FBXO4: variants seen among roughly 807,000 people sequenced by gnomAD.
FBXO4 encodes F-box only protein 4.
A neutral mutation model predicts 43.7 loss-of-function variants in FBXO4; 36 were observed. The ratio of observed to expected loss-of-function variants is 0.82; its 90% CI spans 0.63 to 1.09. The LOEUF (loss-of-function observed/expected upper bound fraction) is 1.09, where lower values mean the gene tolerates loss of function less well. Among genes scored for constraint, FBXO4 ranks in the 50% least tolerant of loss-of-function variants. The probability of loss-of-function intolerance (pLI) is 0.00; values close to 1 mark genes in which losing one functional copy is unlikely to be tolerated. For missense variants in FBXO4, 435 were observed against 474.1 expected, an observed-to-expected ratio of 0.92 and a Z score of 0.77; for synonymous variants, 180 against 165.6, an observed-to-expected ratio of 1.09 and a Z score of -0.67.
At chr5:42,039,028 A>G in the FBXO4 span, among the ~76,000 whole-genome samples, 12 of 152,238 alleles carry the variant, frequency 7.9e-5, no homozygotes, top group Admixed American at 2.0e-4. Flanking sequence ...ATGATTATCC[A>G]TAGTTACATA....
rs779999292 is a variant in FBXO4 at position 41,930,951 on chromosome 5, C to A, written c.646+1034C>A. ...GATTACAGGCGTGAGCCACCGCGCC[C>A]GGCGGAGAACTACATTTCTAAAAGC... On this transcript the variant is annotated intron_variant, in intron 3 of 6. Transcript: ENST00000281623. Among the ~76,000 whole-genome samples the A allele has an allele frequency of 2.0e-5, 3 of 152,272 alleles. No homozygotes were observed. The South Asian group carries it at 6.2e-4, about 32-fold the overall frequency.
At chr5:41,944,413 A>C (rs7720120), downstream of FBXO4, among the ~76,000 whole-genome samples, 785 of 152,298 alleles carry the variant, frequency 5.2e-3, 8 homozygotes, top group African/African-American at 0.018. Flanking sequence ...TAAGGCCTAA[A>C]ATTTCTAGCC....
the FBXO4 span, among the ~76,000 whole-genome samples, chr5:42,019,970 T>C: frequency 1.8e-4 from 27 of 152,142 alleles, no homozygotes; most frequent in Admixed American, 4.6e-4. Context: ...TTCAAAATTA[T>C]TGCTGATTTT....
At chr5:42,011,065 C>T in the FBXO4 span, among the ~76,000 whole-genome samples, 1 of 152,040 alleles carries the variant, frequency 6.6e-6, no homozygotes, top group Admixed American at 6.6e-5. Context: ...TGTGATGTTC[C>T]CTTTCCTGTG....
At chr5:42,006,679 C>T in the FBXO4 span, among the ~76,000 whole-genome samples, 3 of 151,510 alleles carry the variant, frequency 2.0e-5, no homozygotes, top group African/African-American at 4.8e-5. Context: ...TTGTTTGACA[C>T]TGGTTGTGGA....
the FBXO4 span, among the ~76,000 whole-genome samples, chr5:42,030,374 T>C: frequency 6.6e-6 from 1 of 152,046 alleles, no homozygotes; most frequent in Non-Finnish European, 1.5e-5. Flanking sequence ...CCCTATTTAA[T>C]AAATGGTGCT....
chr5:41,964,042 G>C, the FBXO4 span: 2 of 152,158 alleles, frequency 1.3e-5, no homozygotes, highest in African/African-American at 4.8e-5. Flanking sequence ...AATTGATTTT[G>C]AGTGATGGCA....
chr5:41,949,035 G>A, the FBXO4 span, among the ~76,000 whole-genome samples: 9 of 152,100 alleles, frequency 5.9e-5, no homozygotes, highest in Non-Finnish European at 1.2e-4. Context: ...AAAACCTCTC[G>A]ATAAACTAGG....
At chr5:41,963,402 G>T in the FBXO4 span, among the ~76,000 whole-genome samples, 1 of 151,966 alleles carries the variant, frequency 6.6e-6, no homozygotes, top group African/African-American at 2.4e-5. Flanking sequence ...GTAAATAATG[G>T]TGGTGATTAA....
the FBXO4 span, among the ~76,000 whole-genome samples, chr5:42,012,927 A>G: frequency 7.7e-4 from 118 of 152,334 alleles, 2 homozygotes; most frequent in Middle Eastern, 0.01. Context: ...CAGCAATCCT[A>G]TAAAGAATTG....
the FBXO4 span, among the ~76,000 whole-genome samples, chr5:42,024,130 C>T: frequency 0.016 from 2,434 of 152,106 alleles, 120 homozygotes; most frequent in East Asian, 0.1. Context: ...CCTTCACAGC[C>T]TTCTGAGCTC....
At chr5:42,027,835 A>G in the FBXO4 span, among the ~76,000 whole-genome samples, 1 of 151,964 alleles carries the variant, frequency 6.6e-6, no homozygotes, top group South Asian at 2.1e-4. Flanking sequence ...GTGTTTGTAT[A>G]GTTTCCAAAG....
chr5:41,928,183 C>A (rs548160498), intron 2 of FBXO4, among the ~76,000 whole-genome samples: 1 of 152,204 alleles, frequency 6.6e-6, no homozygotes, highest in East Asian at 1.9e-4. Context: ...ATCTCACTTG[C>A]TAGGCAATAC....
At chr5:41,958,475 A>G in the FBXO4 span, among the ~76,000 whole-genome samples, 7 of 152,182 alleles carry the variant, frequency 4.6e-5, no homozygotes, top group Admixed American at 2.0e-4. Flanking sequence ...ATTGTAGTAA[A>G]CATGAGTACA....
At chr5:41,967,277 G>A in the FBXO4 span, 1,192 of 461,788 alleles carry the variant, frequency 2.6e-3, 20 homozygotes, top group Middle Eastern at 0.018. Flanking sequence ...AAACTGGAGT[G>A]ATATAACTGG....
intron 5 of FBXO4, chr5:41,934,821 A>G: frequency 2.0e-6 from 2 of 989,062 alleles, no homozygotes; most frequent in Non-Finnish European, 2.4e-6. Context: ...TATATTCTGA[A>G]TAATTGCCAT....
intron 3 of FBXO4, 101 bp downstream of exon 3, chr5:41,930,018 A>T (rs1561168368): frequency 1.0e-6 from 1 of 995,018 alleles, no homozygotes; most frequent in Non-Finnish European, 1.5e-6. Flanking sequence ...TGCTATAATG[A>T]AGTACAGTAC....
At chr5:41,996,840 T>C in the FBXO4 span, among the ~76,000 whole-genome samples, 1 of 152,196 alleles carries the variant, frequency 6.6e-6, no homozygotes, top group Non-Finnish European at 1.5e-5. Context: ...AGAAGGCCCC[T>C]GAATTTTAGT....
the FBXO4 span, chr5:41,952,257 G>A: frequency 6.6e-6 from 1 of 152,312 alleles, no homozygotes; most frequent in Non-Finnish European, 1.5e-5. Context: ...TCTCTCCACA[G>A]TGCAAAGCTG....
Sources: allele counts gnomAD v4.1 joint callset (sites outside exome capture counted in the v4.1 genomes callset), GRCh38; gene constraint gnomAD v4.1.1; transcripts MANE v1.5; gene names NCBI Gene and HGNC (gene_info 2026-07-23, HGNC 2026-07-21).